The following BSDC1 variants were observed in gnomAD, a reference collection of about 807,000 sequenced individuals.
BSDC1 encodes the protein BSD domain containing 1.
A neutral mutation model predicts 56.0 loss-of-function variants in BSDC1; 29 were observed. The observed-to-expected ratio is 0.52, with a 90% CI of 0.39 to 0.71. The LOEUF (loss-of-function observed/expected upper bound fraction) is 0.71. Ranked by LOEUF, BSDC1 falls within the 30% of genes least tolerant of loss-of-function variation. The pLI is 0.00. For missense variants in BSDC1, 477 were observed against 548.5 expected (o/e 0.87, Z 1.30); for synonymous variants, 210 against 215.3 (o/e 0.98, Z 0.21).
intron 3 of BSDC1, among the ~76,000 whole-genome samples, chr1:32,385,085 T>C (rs1028587449): frequency 4.6e-5 from 7 of 152,216 alleles, no homozygotes; most frequent in Non-Finnish European, 8.8e-5. Flanking sequence ...TTGATTCAGC[T>C]GGTGATCAAA....
At chr1:32,386,728 C>A in intron 3 of BSDC1, 51 bp downstream of exon 3, 2 of 1,417,882 alleles carry the variant, frequency 1.4e-6, no homozygotes, top group Non-Finnish European at 9.9e-7. Flanking sequence ...GAGCCCAGGA[C>A]AGGACAGGTT....
intron 5 of BSDC1, among the ~76,000 whole-genome samples, chr1:32,380,321 G>A (rs1037320959): frequency 1.3e-5 from 2 of 152,154 alleles, no homozygotes; most frequent in African/African-American, 4.8e-5. Context: ...TTCTCATAGT[G>A]AAACTAGCTG....
At chr1:32,385,190 GA>G (rs1642623299) in intron 3 of BSDC1, among the ~76,000 whole-genome samples, 2 of 152,256 alleles carry the variant, frequency 1.3e-5, no homozygotes, top group African/African-American at 4.8e-5. Flanking sequence ...ACTTTGCAGG[GA>G]TATCTTTGAC....
chr1:32,386,847 G>C lies in BSDC1; in HGVS notation c.121C>G (p.Gln41Glu), dbSNP rs1156867650. ...FMKRDLTEFTQVVQHDTACTI... is the reference protein window; with the variant it reads ...FMKRDLTEFTEVVQHDTACTI... Reference sequence around the variant, plus strand: ...CAGGCCGTGTCATGCTGCACCACCTGGGTAAACTCCGTCAGGTCCCGCTTC... The same window carrying C: ...CAGGCCGTGTCATGCTGCACCACCTCGGTAAACTCCGTCAGGTCCCGCTTC... Residue 41 changes from glutamine (Q) to glutamate (E), a missense_variant, in exon 3 of 11, where the codon CAG (glutamine) becomes GAG (glutamate). Physicochemically the swap from Gln to Glu is conservative, Grantham distance 29. Coordinates refer to ENST00000455895, the MANE Select transcript of BSDC1 (RefSeq NM_018045.8). 3 of 1,612,360 alleles carry C rather than the reference G, an allele frequency of 1.9e-6. No homozygotes were observed. Among genetic ancestry groups the C allele is most frequent in the Admixed American group, 1.7e-5 (1 of 60,032 alleles).
At chr1:32,367,930 C>CA (rs1641911108) in intron 10 of BSDC1, 1 of 1,029,472 alleles carries the variant, frequency 9.7e-7, no homozygotes, top group Non-Finnish European at 1.2e-6. Context: ...CCCTTGATCA[C>CA]ACTGGTCTTT....
At position 32,393,850 on chromosome 1, in the gene BSDC1, T is replaced by A. The variant is rs1293917782; in HGVS notation, c.72+230A>T. The stretch of plus-strand genomic sequence containing the variant: ...CCTTCCTATGGATTCCTACAAAACG[T>A]TCGTTAACTCCAGCCTTTAAAACCA... On this transcript the variant is annotated intron_variant, in intron 2 of 10. Coordinates refer to ENST00000455895, the MANE Select transcript of BSDC1 (RefSeq NM_018045.8). 1.0e-4 allele frequency: 53 copies of A among 521,832 alleles called. No homozygotes were observed. The East Asian group carries it at 1.6e-3, about 16-fold the overall frequency. 32.3% of individuals were successfully genotyped at this position (521,832 alleles called of 1,614,324 possible).
At chr1:32,370,284 TG>T (rs1157883499) in intron 9 of BSDC1, among the ~76,000 whole-genome samples, 6 of 152,218 alleles carry the variant, frequency 3.9e-5, no homozygotes, top group African/African-American at 1.4e-4. Flanking sequence ...GGCTCTGGAT[TG>T]TTCTTTTTCC....
intron 2 of BSDC1, among the ~76,000 whole-genome samples, chr1:32,393,217 A>G (rs1642925686): frequency 6.6e-6 from 1 of 152,224 alleles, no homozygotes; most frequent in South Asian, 2.1e-4. Context: ...TTTGACAAAT[A>G]AGCATGAAAT....
intron 10 of BSDC1, chr1:32,367,224 T>A: frequency 2.0e-6 from 2 of 985,488 alleles, no homozygotes; most frequent in South Asian, 9.4e-5. Context: ...CACGGAACGT[T>A]TTCTTGCTTT....
intron 3 of BSDC1, among the ~76,000 whole-genome samples, chr1:32,384,782 T>C (rs1392940264): frequency 1.3e-5 from 2 of 152,092 alleles, no homozygotes; most frequent in East Asian, 3.9e-4. Context: ...TTGATTAAGC[T>C]GCTGAAGCAT....
chr1:32,384,120 C>T, intron 3 of BSDC1, 123 bp from the exon 4 acceptor site: 10 of 1,359,500 alleles, frequency 7.4e-6, no homozygotes, highest in Non-Finnish European at 1.0e-5. Context: ...CGCTCACGAC[C>T]CTTCACCCGT....
intron 3 of BSDC1, chr1:32,386,564 T>C (rs1380313480): frequency 1.2e-5 from 5 of 429,410 alleles, no homozygotes; most frequent in Non-Finnish European, 1.7e-5. Flanking sequence ...TGGAAAACAT[T>C]TGCTAAAACA....
At chr1:32,382,590 GTGGCT>G (rs1642519588) in intron 4 of BSDC1, among the ~76,000 whole-genome samples, 1 of 151,924 alleles carries the variant, frequency 6.6e-6, no homozygotes, top group African/African-American at 2.4e-5. Context: ...GCCAGGCGCG[GTGGCT>G]TACGCCTGTA....
At chr1:32,389,972 C>CAA (rs386366640) in intron 2 of BSDC1, among the ~76,000 whole-genome samples, 1,341 of 73,080 alleles carry the variant, frequency 0.018, 33 homozygotes, top group African/African-American at 0.054. Context: ...GACCCTGTCT[C>CAA]AAAAAAAAAA....
chr1:32,375,229 G>C (rs979904758), intron 9 of BSDC1, among the ~76,000 whole-genome samples: 1 of 152,150 alleles, frequency 6.6e-6, no homozygotes, highest in African/African-American at 2.4e-5. Flanking sequence ...CACTGGGTTG[G>C]AGACTGGAAA....
rs1642279074 is a variant in BSDC1, at chr1:32,376,323, T to C, written c.1095A>G (p.Leu365=). ...ETLREEAPTD[L]RVFELNSDSG... ...TATCCGAGTTCAGCTCAAACACCCG[T>C]AAGTCTGTGGGCGCCTCCTCCCTCA... is the stretch of plus-strand genomic sequence containing the variant. Residue 365 remains leucine, a synonymous_variant, in exon 9 of 11, where the codon TTA becomes TTG. Transcript: ENST00000455895. 5 of 1,601,806 alleles carry C rather than the reference T, an allele frequency of 3.1e-6. No individual in the cohort carries two copies. In the East Asian group the frequency reaches 1.1e-4, roughly 36 times the overall value.
chr1:32,383,422 A>C (rs983888188), intron 4 of BSDC1, among the ~76,000 whole-genome samples: 3 of 151,360 alleles, frequency 2.0e-5, no homozygotes, highest in Non-Finnish European at 2.9e-5. Flanking sequence ...CCCCAGAGAG[A>C]GCTTGGGTGA....
rs779532794 is a variant in BSDC1, at chr1:32,378,027, G to C, written c.619C>G (p.Leu207Val). 18 of 1,613,110 alleles carry C rather than the reference G, an allele frequency of 1.1e-5. No homozygotes were observed. Among genetic ancestry groups the C allele is most frequent in the Non-Finnish European group, 1.3e-5 (15 of 1,179,492 alleles). Residue 207 changes from leucine to valine, a missense_variant, in exon 8 of 11, where the codon CTG becomes GTG. Leu to Val is a conservative substitution (Grantham distance 32, BLOSUM62 1). Coordinates refer to ENST00000455895, the MANE Select transcript of BSDC1 (RefSeq NM_018045.8). The surrounding 1 kb of genome is among the most constrained non-coding windows in gnomAD (Gnocchi z 5.2). ...ATGCTCTGTTCCGCCCGCTGCTTCA[G>C]GGCGTCCCTCCGGGCCTGCTCCTGA... ...LEQEQARRDALKQRAEQSISE... is the reference protein window; with the variant it reads ...LEQEQARRDAVKQRAEQSISE...
intron 4 of BSDC1, among the ~76,000 whole-genome samples, chr1:32,382,912 A>G (rs1445538257): frequency 6.6e-6 from 1 of 151,380 alleles, no homozygotes; most frequent in Non-Finnish European, 1.5e-5. Context: ...AAAATGCAGC[A>G]AAAATACGCT....
Sources: gnomAD v4.1 joint callset for allele counts (sites outside exome capture counted in the v4.1 genomes callset) on GRCh38, gnomAD v4.1.1 for gene constraint, Gnocchi (gnomAD v3.1) non-coding constraint, MANE v1.5 for transcripts, NCBI Gene and HGNC (gene_info 2026-07-23, HGNC 2026-07-21) for gene names.